LSAMP: variants seen among roughly 807,000 people sequenced by gnomAD.
The protein encoded by LSAMP is limbic system associated membrane protein.
Under a neutral mutation model 38.6 loss-of-function variants are expected in LSAMP, and 7 were observed. That is an observed-to-expected ratio of 0.18 (90% confidence interval 0.10 to 0.34). LSAMP has a LOEUF of 0.34. Ranked by LOEUF, LSAMP falls within the 10% of genes least tolerant of loss-of-function variation. The pLI, the probability that LSAMP is intolerant of heterozygous loss-of-function variation, is 1.00. For synonymous variants in LSAMP, 154 were observed against 166.8 expected (o/e 0.92, Z 0.59); for missense variants, 313 against 420.0 (o/e 0.75, Z 2.23).
chr3:116,271,930 A>G (rs990617599), intron 1 of LSAMP, among the ~76,000 whole-genome samples: 1 of 152,110 alleles, frequency 6.6e-6, no homozygotes, highest in Non-Finnish European at 1.5e-5. Flanking sequence ...AAGTGAATAA[A>G]AAAATAATAT....
At chr3:116,408,124 C>T (rs376015967) in intron 1 of LSAMP, among the ~76,000 whole-genome samples, 103 of 152,098 alleles carry the variant, frequency 6.8e-4, no homozygotes, top group African/African-American at 2.3e-3. Flanking sequence ...AAGAAAGATG[C>T]ATCAAATACT....
chr3:115,879,581 A>G (rs1936270651), intron 3 of LSAMP, among the ~76,000 whole-genome samples: 1 of 152,196 alleles, frequency 6.6e-6, no homozygotes, highest in Non-Finnish European at 1.5e-5. Context: ...ATTAGTGCCT[A>G]TAACATGCTC....
intron 3 of LSAMP, among the ~76,000 whole-genome samples, chr3:115,909,906 A>T (rs2107502437): frequency 6.6e-6 from 1 of 152,336 alleles, no homozygotes; most frequent in Admixed American, 6.5e-5. Flanking sequence ...TCACTCTTCT[A>T]AAAAGAAAAC....
At chr3:116,236,311 C>T (rs1188340718) in intron 1 of LSAMP, among the ~76,000 whole-genome samples, 1 of 152,066 alleles carries the variant, frequency 6.6e-6, no homozygotes, top group African/African-American at 2.4e-5. Flanking sequence ...TCATACTTGT[C>T]AGAAGATTAG....
chr3:116,206,681 C>A (rs1053949725), intron 1 of LSAMP, among the ~76,000 whole-genome samples: 2 of 151,816 alleles, frequency 1.3e-5, no homozygotes, highest in Non-Finnish European at 2.9e-5. Context: ...CATTCAGGAG[C>A]AGGTTGTTCA....
intron 3 of LSAMP, among the ~76,000 whole-genome samples, chr3:115,862,898 G>T (rs527999344): frequency 6.6e-6 from 1 of 152,180 alleles, no homozygotes; most frequent in Admixed American, 6.5e-5. Context: ...TGTCAGGAGC[G>T]CAGGTAGAGG....
At chr3:116,227,476 C>T (rs185551017) in intron 1 of LSAMP, among the ~76,000 whole-genome samples, 2 of 152,308 alleles carry the variant, frequency 1.3e-5, no homozygotes, top group African/African-American at 4.8e-5. Flanking sequence ...AGACAGTAAA[C>T]TAATATTTGT....
At chr3:116,058,235 T>G (rs954715698) in intron 2 of LSAMP, among the ~76,000 whole-genome samples, 7 of 152,170 alleles carry the variant, frequency 4.6e-5, no homozygotes, top group Non-Finnish European at 8.8e-5. Context: ...ATTTTAATCC[T>G]CAGTTTCCTC....
chr3:116,098,455 C>A (rs371400618), intron 1 of LSAMP, among the ~76,000 whole-genome samples: 3 of 152,102 alleles, frequency 2.0e-5, no homozygotes, highest in African/African-American at 7.2e-5. Context: ...GCCAAGATTG[C>A]GCCATTGCAG....
At chr3:115,934,878 T>TGCTCTA (rs1937645989) in intron 3 of LSAMP, among the ~76,000 whole-genome samples, 1 of 152,188 alleles carries the variant, frequency 6.6e-6, no homozygotes, top group Admixed American at 6.5e-5. Flanking sequence ...TTCCCTTCCT[T>TGCTCTA]GCTCTAGCTC....
chr3:115,984,839 G>T (rs1939464298), intron 3 of LSAMP, among the ~76,000 whole-genome samples: 1 of 152,176 alleles, frequency 6.6e-6, no homozygotes, highest in Non-Finnish European at 1.5e-5. Flanking sequence ...ATATAGGTTT[G>T]AAGGGAGGAC....
chr3:116,050,023 C>T (rs542900687), intron 2 of LSAMP, among the ~76,000 whole-genome samples: 2 of 152,262 alleles, frequency 1.3e-5, no homozygotes, highest in South Asian at 4.1e-4. Context: ...TGCTCTGTGC[C>T]CTGGGAGGCT....
At chr3:116,059,348 T>C (rs1252642419) in intron 2 of LSAMP, among the ~76,000 whole-genome samples, 1 of 152,210 alleles carries the variant, frequency 6.6e-6, no homozygotes, top group Non-Finnish European at 1.5e-5. Flanking sequence ...TGCAAGAAAA[T>C]ATAATCAGGA....
At chr3:116,023,189 T>TATAC (rs1553760735) in intron 2 of LSAMP, among the ~76,000 whole-genome samples, 2 of 151,690 alleles carry the variant, frequency 1.3e-5, no homozygotes, top group South Asian at 2.1e-4. Flanking sequence ...TATATATATA[T>TATAC]ACACACATAT....
At chr3:116,294,804 C>A (rs1488447904) in intron 1 of LSAMP, among the ~76,000 whole-genome samples, 2 of 151,820 alleles carry the variant, frequency 1.3e-5, no homozygotes, top group African/African-American at 4.9e-5. Context: ...CTGCACTTAA[C>A]TTTCAAACCT....
intron 2 of LSAMP, among the ~76,000 whole-genome samples, chr3:116,048,709 T>C (rs1941338620): frequency 6.6e-6 from 1 of 152,228 alleles, no homozygotes; most frequent in Admixed American, 6.5e-5. Flanking sequence ...TCATATTATT[T>C]AAACAGGGTC....
intron 2 of LSAMP, among the ~76,000 whole-genome samples, chr3:116,031,360 C>A (rs1243604500): frequency 1.3e-5 from 2 of 151,814 alleles, no homozygotes; most frequent in Non-Finnish European, 2.9e-5. Context: ...AGCAGAAGTA[C>A]CAGCAGGAGG....
chr3:116,170,695 A>T (rs1710175865), intron 1 of LSAMP, among the ~76,000 whole-genome samples: 1 of 152,218 alleles, frequency 6.6e-6, no homozygotes, highest in Non-Finnish European at 1.5e-5. Context: ...CACACCTGCT[A>T]TGTGAGAAGC....
At chr3:115,943,194 A>T (rs549052681) in intron 3 of LSAMP, among the ~76,000 whole-genome samples, 1 of 152,166 alleles carries the variant, frequency 6.6e-6, no homozygotes, top group Admixed American at 6.6e-5. Flanking sequence ...AGGCAGCAGC[A>T]CTGGACTCGT....
Sources: allele counts gnomAD v4.1 joint callset (sites outside exome capture counted in the v4.1 genomes callset), GRCh38; gene constraint gnomAD v4.1.1; transcripts MANE v1.5; gene names NCBI Gene and HGNC (gene_info 2026-07-23, HGNC 2026-07-21).